Variants in SSBP4 observed in about 807,000 individuals in gnomAD.
SSBP4 encodes the protein single stranded DNA binding protein 4.
Under a neutral mutation model 64.6 loss-of-function variants are expected in SSBP4, and 33 were observed. The ratio of observed to expected loss-of-function variants is 0.51; its 90% CI spans 0.39 to 0.68. The LOEUF (loss-of-function observed/expected upper bound fraction) is 0.68. Among genes scored for constraint, SSBP4 ranks in the 30% least tolerant of loss-of-function variants. The pLI, the probability that SSBP4 is intolerant of heterozygous loss-of-function variation, is 0.00. For missense variants in SSBP4, 583 were observed against 566.8 expected, an observed-to-expected ratio of 1.03 and a Z score of -0.29; for synonymous variants, 243 against 224.0, an observed-to-expected ratio of 1.08 and a Z score of -0.76.
At chr19:18,422,969 C>A (rs1418492422) in intron 1 of SSBP4, among the ~76,000 whole-genome samples, 2 of 152,216 alleles carry the variant, frequency 1.3e-5, no homozygotes, top group Non-Finnish European at 2.9e-5. Context: ...CAGGCCTTCC[C>A]GGCTTACACT....
chr19:18,433,192 C>T lies in SSBP4; in HGVS notation c.970C>T (p.His324Tyr), dbSNP rs1165658579. The change falls in exon 15 of 18, where the codon CAC becomes TAC. Residue 324 changes from histidine (H) to tyrosine (Y), a missense_variant. Around this residue, in one of 5 missense-constraint regions of SSBP4, gnomAD observed 444 missense variants for 386.6 expected, o/e 1.15. Coordinates refer to ENST00000270061, the MANE Select transcript of SSBP4 (RefSeq NM_032627.5). The part of the protein sequence containing the change: ...PMAAMSAMEP[H>Y]HVNGSLGSGD... Reference sequence around the variant, plus strand: ...GGCCGCCATGAGCGCGATGGAGCCTCACCACGTGAACGGATCCCTGGGTGA... The same window carrying T: ...GGCCGCCATGAGCGCGATGGAGCCTTACCACGTGAACGGATCCCTGGGTGA... The T allele has an allele frequency of 1.3e-6, 2 of 1,579,548 alleles. No homozygotes were observed. Among genetic ancestry groups the T allele is most frequent in the East Asian group, 4.7e-5 (2 of 42,838 alleles).
intron 5 of SSBP4, 121 bp downstream of exon 5, chr19:18,431,051 C>T (rs903274866): frequency 1.1e-5 from 13 of 1,200,430 alleles, no homozygotes; most frequent in African/African-American, 1.5e-5. Flanking sequence ...GTGGGAGGGT[C>T]CTCTGTGCCG....
At chr19:18,417,902 G>C (rs372757228), upstream of SSBP4, among the ~76,000 whole-genome samples, 2 of 152,104 alleles carry the variant, frequency 1.3e-5, no homozygotes, top group South Asian at 2.1e-4. This position sits in a 1 kb window ranked among gnomAD's most constrained non-coding sequence, Gnocchi z 5.4. Flanking sequence ...CTCACGTACT[G>C]GGGGGCGGCC....
chr19:18,406,392 G>T, the SSBP4 span, among the ~76,000 whole-genome samples: 1 of 151,750 alleles, frequency 6.6e-6, no homozygotes, highest in Non-Finnish European at 1.5e-5. Context: ...TGTTAGCCAG[G>T]CTGGTCTCAA....
intron 17 of SSBP4, 53 bp from the exon 18 acceptor site, chr19:18,434,164 C>T: frequency 8.7e-6 from 14 of 1,608,026 alleles, no homozygotes; most frequent in Non-Finnish European, 1.2e-5. Flanking sequence ...GGGTCCCAGC[C>T]TCTTCCGGAG....
At chr19:18,429,285 G>A (rs1414385193) in intron 4 of SSBP4, among the ~76,000 whole-genome samples, 1 of 151,848 alleles carries the variant, frequency 6.6e-6, no homozygotes, top group South Asian at 2.1e-4. Context: ...GCTCCCTGCC[G>A]ACCTTGGCGT....
chr19:18,412,318 G>A, the SSBP4 span, among the ~76,000 whole-genome samples: 4 of 151,810 alleles, frequency 2.6e-5, no homozygotes, highest in South Asian at 4.2e-4. Flanking sequence ...AAAATTAGCC[G>A]GGCGTGGTGG....
In SSBP4 at chr19:18,432,492, G is replaced by T. The variant is rs572012215; in HGVS notation, c.705-67G>T. On this transcript the variant is annotated intron_variant, in intron 10 of 17. Transcript: ENST00000270061. ...GGATACAGTGGAGCAGGGTGTGGGGGGTGTGTGGTGAGGGCTGTGATCCAC... is the reference window on the plus strand; with the variant it reads ...GGATACAGTGGAGCAGGGTGTGGGGTGTGTGTGGTGAGGGCTGTGATCCAC... 13 of 1,515,010 alleles carry T rather than the reference G, an allele frequency of 8.6e-6. No homozygotes were observed. In the African/African-American group the frequency reaches 1.4e-4, roughly 16 times the overall value. 93.8% of individuals were successfully genotyped at this position (1,515,010 alleles called of 1,614,324 possible). A position where few individuals can be genotyped will look rare whatever the true frequency, so the allele number is the denominator to read the frequency against.
chr19:18,404,097 C>A, the SSBP4 span, among the ~76,000 whole-genome samples: 6 of 152,080 alleles, frequency 3.9e-5, 1 homozygote, highest in South Asian at 1.2e-3. Context: ...CACTTGGGGG[C>A]CACCATAGGC....
At chr19:18,410,782 C>T in the SSBP4 span, among the ~76,000 whole-genome samples, 12 of 151,974 alleles carry the variant, frequency 7.9e-5, no homozygotes, top group Non-Finnish European at 1.8e-4. Context: ...GTCTCTGCTG[C>T]CCTCAAGTGG....
At chr19:18,409,801 G>A in the SSBP4 span, among the ~76,000 whole-genome samples, 4 of 152,052 alleles carry the variant, frequency 2.6e-5, no homozygotes, top group Non-Finnish European at 4.4e-5. Flanking sequence ...TTACAGGCAT[G>A]AGCCACCGTG....
In SSBP4 at chr19:18,431,837, C is replaced by A; in HGVS notation, c.540C>A (p.Ala180=). Residue 180 remains alanine (A), a synonymous_variant, in exon 8 of 18, where the codon GCC becomes GCA. Transcript: ENST00000270061. ...GCTCCCAGCCCCTCCTCCCTGGCGCCATGGAGCCCTCCCCACGAGCCCAGG... is the reference window on the plus strand; with the variant it reads ...GCTCCCAGCCCCTCCTCCCTGGCGCAATGGAGCCCTCCCCACGAGCCCAGG... The part of the protein sequence containing the change: ...LPGSQPLLPG[A]MEPSPRAQGH... 1.3e-6 allele frequency: 2 copies of A among 1,571,708 alleles called. No homozygotes were observed. Among genetic ancestry groups the A allele is most frequent in the Admixed American group, 1.8e-5 (1 of 54,692 alleles).
chr19:18,429,470 C>CGG lies in SSBP4; in HGVS notation c.280-1362_280-1361dup, dbSNP rs72317419. 8.4e-4 allele frequency among the ~76,000 whole-genome samples: 98 copies of CGG among 116,544 alleles called. No individual in the cohort carries two copies. In the South Asian group the frequency reaches 0.015, roughly 17 times the overall value. The allele number at this position is 116,544 out of a possible 152,430, so 76.5% of individuals were successfully genotyped here. On this transcript the variant is annotated intron_variant, in intron 4 of 17. Transcript: ENST00000270061. Reference sequence around the variant, plus strand: ...TTGGGAAGCTGCGGGTCGCAGGGGGCGGGGGGGGGGTGCGGTGGAGCGTCC... The same window carrying CGG: ...TTGGGAAGCTGCGGGTCGCAGGGGGCGGGGGGGGGGGGTGCGGTGGAGCGTCC...
the SSBP4 span, among the ~76,000 whole-genome samples, chr19:18,403,340 C>T: frequency 1.3e-5 from 2 of 152,168 alleles, no homozygotes; most frequent in Non-Finnish European, 2.9e-5. Flanking sequence ...GTATGCTGAG[C>T]GCCGGTCCCC....
intron 1 of SSBP4, among the ~76,000 whole-genome samples, chr19:18,421,881 G>A (rs778168365): frequency 3.3e-5 from 5 of 152,180 alleles, no homozygotes; most frequent in Non-Finnish European, 2.9e-5. Context: ...GGGGAGGCCG[G>A]GCGTGGTGGC....
At chr19:18,424,217 GACCTTCATCAGT>G (rs1972672062) in intron 1 of SSBP4, among the ~76,000 whole-genome samples, 1 of 152,182 alleles carries the variant, frequency 6.6e-6, no homozygotes. Context: ...AATAGCTGCT[GACCTTCATCAGT>G]ACTTACCCCA....
intron 17 of SSBP4, 30 bp downstream of exon 17, chr19:18,433,847 G>A (rs1192068766): frequency 7.7e-7 from 1 of 1,304,840 alleles, no homozygotes; most frequent in Non-Finnish European, 9.6e-7. Context: ...CCCCCCCCGC[G>A]GCGGCGTCGG....
chr19:18,419,675 G>A lies in SSBP4; in HGVS notation c.27G>A (p.Ser9=). ...TGTACGCCAAGGGGGGCAAGGGTTC[G>A]GCCGTGCCCTCCGACAGCCAGGCCC... MYAKGGKG[S]AVPSDSQARE... is the part of the protein sequence containing the mutation. Residue 9 remains serine, a synonymous_variant, in exon 1 of 18, where the codon TCG becomes TCA. Transcript: ENST00000270061. 2 of 1,206,254 alleles carry A rather than the reference G, an allele frequency of 1.7e-6. No individual in the cohort carries two copies. Among genetic ancestry groups the A allele is most frequent in the South Asian group, 2.9e-5 (1 of 35,008 alleles). 74.7% of individuals were successfully genotyped at this position (1,206,254 alleles called of 1,614,324 possible).
chr19:18,412,004 C>T, the SSBP4 span, among the ~76,000 whole-genome samples: 1 of 151,760 alleles, frequency 6.6e-6, no homozygotes, highest in Non-Finnish European at 1.5e-5. Flanking sequence ...CACACACACA[C>T]ACAAAATAAA....
Sources: allele counts gnomAD v4.1 joint callset (sites outside exome capture counted in the v4.1 genomes callset), GRCh38; gene constraint gnomAD v4.1.1; regional missense constraint gnomAD v4.1.1; non-coding constraint Gnocchi (gnomAD v3.1); transcripts MANE v1.5; gene names NCBI Gene and HGNC (gene_info 2026-07-23, HGNC 2026-07-21).